The following GIGYF2 variants were observed in gnomAD, a reference collection of about 807,000 sequenced individuals.
GIGYF2 encodes the protein GRB10-interacting GYF protein 2.
GIGYF2 carries 25 observed loss-of-function variants against 208.1 expected under a neutral mutation model. That is an observed-to-expected ratio of 0.12 (90% CI 0.09 to 0.17). The LOEUF (loss-of-function observed/expected upper bound fraction) is 0.17, where lower values mean the gene tolerates loss of function less well. Ranked by LOEUF, GIGYF2 falls within the 10% of genes least tolerant of loss-of-function variation. The pLI, the probability that GIGYF2 is intolerant of heterozygous loss-of-function variation, is 1.00. For synonymous variants in GIGYF2, 534 were observed against 543.8 expected, an observed-to-expected ratio of 0.98 and a Z score of 0.25; for missense variants, 1,302 against 1,579.4, an observed-to-expected ratio of 0.82 and a Z score of 2.98.
At chr2:232,765,775 A>G in intron 8 of GIGYF2, 1 of 339,710 alleles carries the variant, frequency 2.9e-6, no homozygotes, top group Non-Finnish European at 6.0e-6. Context: ...ATTTTTGGTT[A>G]TAGACTCTTC....
At chr2:232,757,306 A>G (rs553230641) in intron 6 of GIGYF2, among the ~76,000 whole-genome samples, 2 of 150,200 alleles carry the variant, frequency 1.3e-5, no homozygotes, top group Non-Finnish European at 2.9e-5. Flanking sequence ...GCTAGGTACT[A>G]TTACATAGTT....
At chr2:232,799,252 T>A (rs1228480837) in intron 14 of GIGYF2, among the ~76,000 whole-genome samples, 1 of 151,994 alleles carries the variant, frequency 6.6e-6, no homozygotes, top group Non-Finnish European at 1.5e-5. Context: ...TTGTGAATAA[T>A]GTTGCTATGG....
At chr2:232,707,693 A>G (rs1696186064) in intron 2 of GIGYF2, among the ~76,000 whole-genome samples, 1 of 150,422 alleles carries the variant, frequency 6.6e-6, no homozygotes, top group African/African-American at 2.5e-5. Flanking sequence ...GCTGGAGTGA[A>G]GTGGTGCCAT....
At chr2:232,824,938 T>TA (rs1701203649) in intron 21 of GIGYF2, among the ~76,000 whole-genome samples, 1 of 152,224 alleles carries the variant, frequency 6.6e-6, no homozygotes. Flanking sequence ...AGAATTATAC[T>TA]AAATCTACTC....
chr2:232,799,351 G>T (rs1359633164), intron 14 of GIGYF2, among the ~76,000 whole-genome samples: 1 of 151,462 alleles, frequency 6.6e-6, no homozygotes, highest in African/African-American at 2.4e-5. Context: ...TGAGACCAGC[G>T]TGGGAAACAT....
rs895609234 is a variant in GIGYF2, at chr2:232,815,713, G to C, written c.2184G>C (p.Gln728His). ...GCCCTGCCCTGGAACAGCTTCAGCA[G>C]CTAGAGAAGGCCAAAGCTGCAAAGG... ...TPGPALEQLQ[Q>H]LEKAKAAKLE... is the part of the protein sequence containing the mutation. Residue 728 changes from glutamine to histidine, a missense_variant, in exon 19 of 29, where the codon CAG (glutamine) becomes CAC (histidine). Gln to His is a conservative substitution (Grantham distance 24). Around this residue, in one of 8 missense-constraint regions of GIGYF2, gnomAD observed 701 missense variants for 793.0 expected, o/e 0.88. Transcript: ENST00000373563. 3 of 1,597,830 alleles carry C rather than the reference G, an allele frequency of 1.9e-6. No individual in the cohort carries two copies. Among genetic ancestry groups the C allele is most frequent in the Middle Eastern group, 1.7e-4 (1 of 6,048 alleles).
At chr2:232,800,260 A>ACT in intron 14 of GIGYF2, among the ~76,000 whole-genome samples, 1 of 152,274 alleles carries the variant, frequency 6.6e-6, no homozygotes, top group South Asian at 2.1e-4. Context: ...TTACAGATTT[A>ACT]GGTCATGCAC....
chr2:232,703,401 A>G (rs1695944366), intron 1 of GIGYF2, 23 bp from the exon 2 acceptor site: 3 of 152,612 alleles, frequency 2.0e-5, no homozygotes, highest in Non-Finnish European at 4.4e-5. Context: ...GGTGATTTAT[A>G]TTAATATTTT....
intron 28 of GIGYF2, 34 bp from the exon 29 acceptor site, chr2:232,856,759 G>T: frequency 2.1e-6 from 3 of 1,427,272 alleles, no homozygotes; most frequent in Non-Finnish European, 3.0e-6. Flanking sequence ...GGTTGCCTGG[G>T]TGTGGTCACT....
At chr2:232,809,610 G>A (rs1004693783) in intron 15 of GIGYF2, 110 bp from the exon 16 acceptor site, 2 of 740,966 alleles carry the variant, frequency 2.7e-6, no homozygotes, top group Admixed American at 1.9e-5. Context: ...GGTAGAGCTG[G>A]GAGGTAAAGG....
chr2:232,815,779 C>A, intron 19 of GIGYF2, 42 bp downstream of exon 19: 1 of 998,514 alleles, frequency 1.0e-6, no homozygotes, highest in Non-Finnish European at 1.6e-6. Flanking sequence ...TGTCATCTGG[C>A]TGCAGGACAT....
At chr2:232,785,258 C>T (rs1237373527) in intron 8 of GIGYF2, among the ~76,000 whole-genome samples, 1 of 152,128 alleles carries the variant, frequency 6.6e-6, no homozygotes. Flanking sequence ...TTCAAAACAG[C>T]AAACATTTAT....
chr2:232,789,213 A>C (rs535759690), intron 9 of GIGYF2, among the ~76,000 whole-genome samples: 4 of 152,258 alleles, frequency 2.6e-5, no homozygotes, highest in Non-Finnish European at 5.9e-5. Flanking sequence ...AACTACTGAT[A>C]AGATAACATT....
chr2:232,723,662 C>T (rs1310720188), intron 2 of GIGYF2, among the ~76,000 whole-genome samples: 1 of 150,712 alleles, frequency 6.6e-6, no homozygotes, highest in Non-Finnish European at 1.5e-5. Flanking sequence ...AACGCCTGAC[C>T]TCGTGATCCA....
intron 21 of GIGYF2, among the ~76,000 whole-genome samples, chr2:232,831,687 A>AT (rs1398602076): frequency 6.6e-6 from 1 of 152,230 alleles, no homozygotes; most frequent in Non-Finnish European, 1.5e-5. Context: ...GCCATTAAGT[A>AT]TTTACGGCCT....
chr2:232,713,111 T>A (rs1439696516), intron 2 of GIGYF2, among the ~76,000 whole-genome samples: 1 of 151,738 alleles, frequency 6.6e-6, no homozygotes, highest in African/African-American at 2.4e-5. Context: ...AGTCTTGTTC[T>A]GTTTCACAGG....
rs1181027020 is a variant in GIGYF2, at chr2:232,703,485, A to G, written c.-48A>G. 2.0e-5 allele frequency: 3 copies of G among 152,662 alleles called. No individual in the cohort carries two copies. Among genetic ancestry groups the G allele is most frequent in the African/African-American group, 4.8e-5 (2 of 41,468 alleles). 9.5% of individuals were successfully genotyped at this position (152,662 alleles called of 1,614,324 possible). A position where few individuals can be genotyped will look rare whatever the true frequency, so the allele number is the denominator to read the frequency against. On this transcript the variant is annotated 5_prime_UTR_variant, in exon 2 of 29. Transcript: ENST00000373563. Reference sequence around the variant, plus strand: ...CTGCTGTGAACCAGCAGAATTTTTGAACAGGTAAGTGTGGAAGGGAAGCAC... The same window carrying G: ...CTGCTGTGAACCAGCAGAATTTTTGGACAGGTAAGTGTGGAAGGGAAGCAC...
intron 2 of GIGYF2, among the ~76,000 whole-genome samples, chr2:232,707,932 C>G (rs1232225664): frequency 1.3e-5 from 2 of 151,894 alleles, no homozygotes; most frequent in Non-Finnish European, 2.9e-5. Context: ...GCCACCATTC[C>G]CAGCCTTTTT....
At chr2:232,856,154 C>T (rs1309474633) in intron 28 of GIGYF2, among the ~76,000 whole-genome samples, 1 of 151,928 alleles carries the variant, frequency 6.6e-6, no homozygotes, top group Non-Finnish European at 1.5e-5. Flanking sequence ...AGGATGGTCT[C>T]GATATCCTGA....
Sources: gnomAD v4.1 joint callset for allele counts (sites outside exome capture counted in the v4.1 genomes callset) on GRCh38, gnomAD v4.1.1 for gene constraint, gnomAD v4.1.1 regional missense constraint, MANE v1.5 for transcripts, NCBI Gene and HGNC (gene_info 2026-07-23, HGNC 2026-07-21) for gene names.